The following ZP3 variants were observed in gnomAD, a reference collection of about 807,000 sequenced individuals.
The protein encoded by ZP3 is zona pellucida sperm-binding protein 3.
Under a neutral mutation model 35.6 loss-of-function variants are expected in ZP3, and 21 were observed. The observed-to-expected ratio is 0.59, with a 90% CI of 0.42 to 0.85. ZP3 has a LOEUF of 0.85. Ranked by LOEUF, ZP3 falls within the 40% of genes least tolerant of loss-of-function variation. The pLI, the probability that ZP3 is intolerant of heterozygous loss-of-function variation, is 0.00. For synonymous variants in ZP3, 207 were observed against 214.5 expected (o/e 0.96, Z 0.31); for missense variants, 437 against 536.5 (o/e 0.81, Z 1.83).
exon 1 of ZP3, chr7:76,397,653 C>T (rs756017367): frequency 2.9e-5 from 47 of 1,613,678 alleles, no homozygotes; most frequent in Non-Finnish European, 1.3e-5. Flanking sequence ...GTGCCATAGC[C>T]GAAGAAGGCG....
At chr7:76,429,899 G>T (rs1299297209) in intron 2 of ZP3, among the ~76,000 whole-genome samples, 2 of 152,124 alleles carry the variant, frequency 1.3e-5, no homozygotes, top group East Asian at 3.8e-4. Flanking sequence ...GCCAGCCTCG[G>T]CCCTTAGGGT....
At chr7:76,439,128 C>T (rs1157853845) in intron 5 of ZP3, among the ~76,000 whole-genome samples, 1 of 95,162 alleles carries the variant, frequency 1.1e-5, no homozygotes, top group Non-Finnish European at 2.3e-5. Context: ...CAAGACTCCA[C>T]CTCAAAAAAA....
At chr7:76,405,271 T>TTATATATATATATA (rs1171830870) in intron 1 of ZP3, among the ~76,000 whole-genome samples, 7 of 9,140 alleles carry the variant, frequency 7.7e-4, no homozygotes, top group Admixed American at 1.4e-3. Context: ...ACCCAGCTAA[T>TTATATATATATATA]TATATATATA....
upstream of ZP3, among the ~76,000 whole-genome samples, chr7:76,421,877 A>C (rs1805511149): frequency 1.3e-5 from 2 of 150,364 alleles, no homozygotes; most frequent in African/African-American, 4.9e-5. Flanking sequence ...TCCTGATAGG[A>C]CCCTTGCAGT....
At position 76,410,998 on chromosome 7, in the gene ZP3, A is replaced by G. The variant is rs1451506370; in HGVS notation, c.-67+13201A>G. 2.2e-5 allele frequency among the ~76,000 whole-genome samples: 3 copies of G among 134,824 alleles called. No homozygotes were observed. In the East Asian group the frequency reaches 6.4e-4, roughly 29 times the overall value. 88.4% of individuals were successfully genotyped at this position (134,824 alleles called of 152,430 possible). On this transcript the variant is annotated intron_variant, in intron 1 of 8. Coordinates refer to the ZP3 transcript ENST00000336517. Reference sequence around the variant, plus strand: ...CAACAGAGCAAGACTCCATCTCAAAAGAAAAAAAAAAAAAAAAAAGAAAAG... The same window carrying G: ...CAACAGAGCAAGACTCCATCTCAAAGGAAAAAAAAAAAAAAAAAAGAAAAG...
intron 1 of ZP3, among the ~76,000 whole-genome samples, chr7:76,414,052 A>G (rs1294363140): frequency 6.8e-6 from 1 of 146,650 alleles, no homozygotes; most frequent in Non-Finnish European, 1.5e-5. Flanking sequence ...GCTGGAGTGC[A>G]GTGGCGTGAT....
At chr7:76,433,794 G>A (rs903670308) in intron 4 of ZP3, 147 bp downstream of exon 4, 4 of 1,083,694 alleles carry the variant, frequency 3.7e-6, no homozygotes, top group East Asian at 5.0e-5. Flanking sequence ...TGCCTCCCAG[G>A]TTTAAGTGAT....
intron 1 of ZP3, among the ~76,000 whole-genome samples, chr7:76,427,001 G>C (rs1019540036): frequency 3.3e-5 from 5 of 152,054 alleles, no homozygotes; most frequent in Admixed American, 1.3e-4. Context: ...GCTGCAGTGA[G>C]CTACGATTGT....
chr7:76,405,923 C>T (rs997812038), intron 1 of ZP3, among the ~76,000 whole-genome samples: 2 of 151,902 alleles, frequency 1.3e-5, no homozygotes, highest in African/African-American at 4.8e-5. Context: ...TCCCTCTCTC[C>T]CTTTCTTGCC....
At chr7:76,405,297 A>T (rs865993756) in intron 1 of ZP3, among the ~76,000 whole-genome samples, 10 of 44,658 alleles carry the variant, frequency 2.2e-4, no homozygotes, top group African/African-American at 1.1e-3. Flanking sequence ...ATATATATAT[A>T]TATATATATA....
upstream of ZP3, among the ~76,000 whole-genome samples, chr7:76,420,756 A>C (rs995179748): frequency 6.6e-6 from 1 of 152,138 alleles, no homozygotes; most frequent in African/African-American, 2.4e-5. Context: ...TAAACTGATG[A>C]AAGTTGCACA....
At chr7:76,423,025 G>GAGAGAGAGAGAGAGAAAGAAAGAA, upstream of ZP3, among the ~76,000 whole-genome samples, 1 of 75,848 alleles carries the variant, frequency 1.3e-5, no homozygotes, top group East Asian at 3.5e-4. Flanking sequence ...GAGAGAGAGA[G>GAGAGAGAGAGAGAGAAAGAAAGAA]AGAAAGAAAG....
rs57549964 is a variant in ZP3, at chr7:76,433,124, TTTGGTTTTGGTTGGTTTTGG to T, written c.535+123_535+142del. 18 of 673,476 alleles carry T rather than the reference TTTGGTTTTGGTTGGTTTTGG, an allele frequency of 2.7e-5. No individual in the cohort carries two copies. In the African/African-American group the frequency reaches 2.9e-4, roughly 11 times the overall value. The allele number at this position is 673,476 out of a possible 1,614,324, so 41.7% of individuals were successfully genotyped here. On this transcript the variant is annotated intron_variant, in intron 3 of 7. Transcript: ENST00000394857. ...TGTGTCTTTTTTTTGTTTGTTTGGT[TTTGGTTTTGGTTGGTTTTGG>T]TTGGTTTTGGTTGGTTTTGGTTGGT... is the stretch of plus-strand genomic sequence containing the variant.
chr7:76,420,960 A>G (rs546433666), upstream of ZP3, among the ~76,000 whole-genome samples: 5 of 148,372 alleles, frequency 3.4e-5, no homozygotes, highest in Non-Finnish European at 5.9e-5. Context: ...TAGTGAGACT[A>G]AGTCTCAGTC....
Position 76,399,863 on chromosome 7 carries a change from G to A in ZP3, c.-67+2066G>A, listed in dbSNP as rs185892683. On this transcript the variant is annotated intron_variant, in intron 1 of 8. Transcript: ENST00000336517. ...AAAACTAGGAGAGGGGAACCAGTGG[G>A]GTGACTTGGACCTGTAGTTCCAGCT... Among the ~76,000 whole-genome samples, 419 of 152,202 alleles carry A rather than the reference G, an allele frequency of 2.8e-3. 3 individuals are homozygous for A. Among genetic ancestry groups the A allele is most frequent in the African/African-American group, 9.5e-3 (395 of 41,536 alleles).
chr7:76,427,796 A>T (rs1214611597), intron 1 of ZP3, among the ~76,000 whole-genome samples: 1 of 152,158 alleles, frequency 6.6e-6, no homozygotes, highest in African/African-American at 2.4e-5. Flanking sequence ...CTCCTGCCTC[A>T]GCCTCCTGAA....
intron 1 of ZP3, among the ~76,000 whole-genome samples, chr7:76,401,359 T>G (rs1283291427): frequency 1.3e-5 from 2 of 152,148 alleles, no homozygotes; most frequent in African/African-American, 2.4e-5. Context: ...GCTCCTGAGC[T>G]TTCACTACAA....
chr7:76,433,105 T>A, intron 3 of ZP3, 75 bp downstream of exon 3: 1 of 1,279,104 alleles, frequency 7.8e-7, no homozygotes, highest in South Asian at 1.3e-5. Flanking sequence ...TGGCTGTGTC[T>A]TTTTTTTGTT....
intron 1 of ZP3, among the ~76,000 whole-genome samples, chr7:76,403,780 G>C (rs1804906531): frequency 6.6e-6 from 1 of 151,876 alleles, no homozygotes; most frequent in African/African-American, 2.4e-5. Context: ...TCCTGCCTCA[G>C]CCTCCTGAGT....
Sources: gnomAD v4.1 joint callset for allele counts (sites outside exome capture counted in the v4.1 genomes callset) on GRCh38, gnomAD v4.1.1 for gene constraint, MANE v1.5 for transcripts, NCBI Gene and HGNC (gene_info 2026-07-23, HGNC 2026-07-21) for gene names.